Variants in LRRC49 observed in about 807,000 individuals in gnomAD.
LRRC49 encodes the protein leucine-rich repeat-containing protein 49.
Under a neutral mutation model 83.3 loss-of-function variants are expected in LRRC49, and 50 were observed. That is an observed-to-expected ratio of 0.60 (90% CI 0.48 to 0.76). The LOEUF (loss-of-function observed/expected upper bound fraction) is 0.76, where lower values mean the gene tolerates loss of function less well. Among genes scored for constraint, LRRC49 ranks in the 30% least tolerant of loss-of-function variants. LRRC49 has a pLI of 0.00. For missense variants in LRRC49, 704 were observed against 809.1 expected (o/e 0.87, Z 1.58); for synonymous variants, 286 against 283.3 (o/e 1.01, Z -0.10).
chr15:70,919,388 G>A (rs1345711737), intron 7 of LRRC49, among the ~76,000 whole-genome samples, 195 bp downstream of exon 7: 1 of 152,112 alleles, frequency 6.6e-6, no homozygotes, highest in Non-Finnish European at 1.5e-5. Context: ...CCATTTTAAA[G>A]AATAAATATA....
At chr15:70,979,815 A>T (rs1464355314) in intron 9 of LRRC49, among the ~76,000 whole-genome samples, 1 of 152,142 alleles carries the variant, frequency 6.6e-6, no homozygotes, top group Admixed American at 6.6e-5. Flanking sequence ...AAGGAAAATG[A>T]TGCAAACATA....
Position 71,009,900 on chromosome 15 carries a change from C to T in LRRC49, c.1501C>T (p.Gln501Ter), listed in dbSNP as rs1208327064. 1.2e-6 allele frequency: 2 copies of T among 1,612,154 alleles called. No individual in the cohort carries two copies. Among genetic ancestry groups the T allele is most frequent in the Admixed American group, 1.7e-5 (1 of 59,920 alleles). Residue 501 changes from glutamine (Q) to a stop codon, truncating the protein, a stop_gained, in exon 13 of 16, where the codon CAA becomes TAA. Coordinates refer to ENST00000260382, the MANE Select transcript of LRRC49 (RefSeq NM_017691.5). LOFTEE classifies it high-confidence loss of function. ...RRIDQLTIDP[Q>*]GNPVVNFTLW... ...TATTGACCAGTTGACAATTGATCCT[C>T]AAGGAAATCCAGTTGTCAATTTTAC... is the stretch of plus-strand genomic sequence containing the variant.
intron 2 of LRRC49, chr15:70,894,672 G>A (rs903445978): frequency 7.9e-7 from 1 of 1,259,120 alleles, no homozygotes; most frequent in African/African-American, 1.5e-5. Flanking sequence ...CAATTCAGGT[G>A]TGTCCTAAAA....
rs2040012150 is a variant in LRRC49, at chr15:71,052,989, A to AAC, written c.*3379_*3380dup. 6.6e-6 allele frequency: 1 copy of AAC among 152,260 alleles called. No homozygotes were observed. The highest frequency in any genetic ancestry group is 1.5e-5 in the Non-Finnish European group (1 of 68,046). The allele number at this position is 152,260 out of a possible 1,614,324, so 9.4% of individuals were successfully genotyped here. A position where few individuals can be genotyped will look rare whatever the true frequency, so the allele number is the denominator to read the frequency against. ...AGACATTATGTGCGGTATAAATACT[A>AAC]ACAAATGTATAAGTACACATGTACA... On this transcript the variant is annotated 3_prime_UTR_variant, in exon 16 of 16. Coordinates refer to ENST00000260382, the MANE Select transcript of LRRC49 (RefSeq NM_017691.5).
intron 1 of LRRC49, among the ~76,000 whole-genome samples, chr15:70,871,260 G>A (rs1462031368): frequency 3.3e-5 from 5 of 152,016 alleles, no homozygotes; most frequent in East Asian, 1.9e-4. Context: ...CAGAGAGCAC[G>A]GGGTTGGGGG....
At chr15:70,869,979 C>A (rs2032993643) in intron 1 of LRRC49, among the ~76,000 whole-genome samples, 1 of 151,982 alleles carries the variant, frequency 6.6e-6, no homozygotes, top group African/African-American at 2.4e-5. Context: ...TTATTTAGTG[C>A]AAAGTTTCCT....
intron 2 of LRRC49, chr15:70,873,311 A>G (rs1474567152): frequency 8.3e-6 from 11 of 1,331,984 alleles, no homozygotes; most frequent in Non-Finnish European, 1.1e-5. Context: ...TATACGGTCA[A>G]AATACTAACT....
In LRRC49 at chr15:70,972,210, C is replaced by T. The variant is rs542129004; in HGVS notation, c.922-7891C>T. Among the ~76,000 whole-genome samples the T allele has an allele frequency of 1.4e-4, 22 of 152,262 alleles. 1 individual carries two copies. The highest frequency in any genetic ancestry group is 4.6e-4 in the African/African-American group (19 of 41,554). ...ACAAAATACCTCAGCATTTGCTTGT[C>T]TGTAAAGTATTTTATTTCTCCTTCA... On this transcript the variant is annotated intron_variant, in intron 9 of 15. Coordinates refer to ENST00000260382, the MANE Select transcript of LRRC49 (RefSeq NM_017691.5).
Position 70,983,826 on chromosome 15 carries a change from A to G in LRRC49, c.1006-268A>G, listed in dbSNP as rs559778359. On this transcript the variant is annotated intron_variant, in intron 10 of 15. Transcript: ENST00000260382. Reference sequence around the variant, plus strand: ...ATTTTTAATCTCTAGTTGGTTGTATATTTATTTTTAATAAAATTAAGTTCC... The same window carrying G: ...ATTTTTAATCTCTAGTTGGTTGTATGTTTATTTTTAATAAAATTAAGTTCC... 2.3e-4 allele frequency among the ~76,000 whole-genome samples: 35 copies of G among 152,244 alleles called. 2 individuals carry two copies. The South Asian group carries it at 7.0e-3, about 31-fold the overall frequency.
At chr15:70,940,938 A>G (rs2035792777) in intron 8 of LRRC49, among the ~76,000 whole-genome samples, 1 of 152,214 alleles carries the variant, frequency 6.6e-6, no homozygotes, top group Non-Finnish European at 1.5e-5. Flanking sequence ...TCAGACAAAC[A>G]TTTAATTGCA....
chr15:71,035,034 C>G (rs934823914), intron 14 of LRRC49, among the ~76,000 whole-genome samples: 2 of 152,178 alleles, frequency 1.3e-5, no homozygotes, highest in African/African-American at 4.8e-5. Flanking sequence ...CACAGGTATC[C>G]TGGAACTTAA....
At chr15:70,963,208 T>A (rs900429819) in intron 8 of LRRC49, among the ~76,000 whole-genome samples, 1 of 148,722 alleles carries the variant, frequency 6.7e-6, no homozygotes, top group African/African-American at 2.5e-5. Context: ...CCCAAGAGTT[T>A]GAGGTTAGGA....
At chr15:71,045,328 A>G (rs1302824685) in intron 15 of LRRC49, among the ~76,000 whole-genome samples, 1 of 152,188 alleles carries the variant, frequency 6.6e-6, no homozygotes, top group Non-Finnish European at 1.5e-5. Context: ...CAAAACCTAC[A>G]CTCAACTATT....
chr15:71,051,335 G>A lies in LRRC49; in HGVS notation c.*1723G>A, dbSNP rs1329863225. The A allele has an allele frequency of 6.6e-6, 1 of 152,202 alleles. No homozygotes were observed. The highest frequency in any genetic ancestry group is 2.4e-5 in the African/African-American group (1 of 41,438). 9.4% of individuals were successfully genotyped at this position (152,202 alleles called of 1,614,324 possible). A position where few individuals can be genotyped will look rare whatever the true frequency, so the allele number is the denominator to read the frequency against. ...TTTAATTATTACTCTTTTGGCTGTAGGTTGAACAATAGGGTTGGTGCCCTA... is the reference window on the plus strand; with the variant it reads ...TTTAATTATTACTCTTTTGGCTGTAAGTTGAACAATAGGGTTGGTGCCCTA... On this transcript the variant is annotated 3_prime_UTR_variant, in exon 16 of 16. Coordinates refer to ENST00000260382, the MANE Select transcript of LRRC49 (RefSeq NM_017691.5).
intron 8 of LRRC49, among the ~76,000 whole-genome samples, chr15:70,963,275 C>CAAA (rs765094754): frequency 2.7e-4 from 19 of 70,392 alleles, no homozygotes; most frequent in South Asian, 5.2e-4. Flanking sequence ...GACCTGGTCT[C>CAAA]AAAAAAAAAA....
intron 14 of LRRC49, among the ~76,000 whole-genome samples, chr15:71,023,384 A>T (rs1344992369): frequency 6.6e-6 from 1 of 152,264 alleles, no homozygotes. Flanking sequence ...AATTTTAAAA[A>T]AATCAGTAAA....
At chr15:70,864,134 C>T (rs951108180) in intron 1 of LRRC49, among the ~76,000 whole-genome samples, 6 of 152,066 alleles carry the variant, frequency 3.9e-5, no homozygotes, top group African/African-American at 1.4e-4. Flanking sequence ...ACATGAGACA[C>T]CCCCGGGGAA....
At chr15:70,915,793 T>G (rs1339807881) in intron 6 of LRRC49, among the ~76,000 whole-genome samples, 1 of 152,204 alleles carries the variant, frequency 6.6e-6, no homozygotes, top group Non-Finnish European at 1.5e-5. Context: ...ATTTTATCTT[T>G]ACATTAGTTA....
chr15:71,030,084 T>A (rs779672119), intron 14 of LRRC49, among the ~76,000 whole-genome samples: 1 of 152,168 alleles, frequency 6.6e-6, no homozygotes, highest in Non-Finnish European at 1.5e-5. Flanking sequence ...GGTTATTTTG[T>A]ACATTAGTTG....
Sources: allele counts gnomAD v4.1 joint callset (sites outside exome capture counted in the v4.1 genomes callset), GRCh38; gene constraint gnomAD v4.1.1; transcripts MANE v1.5; gene names NCBI Gene and HGNC (gene_info 2026-07-23, HGNC 2026-07-21).